The following CFAP54 variants were observed in gnomAD, a reference collection of about 807,000 sequenced individuals.
CFAP54 encodes the protein cilia and flagella associated protein 54.
A neutral mutation model predicts 370.4 loss-of-function variants in CFAP54; 290 were observed. The ratio of observed to expected loss-of-function variants is 0.78; its 90% CI spans 0.71 to 0.86. The LOEUF is 0.86. CFAP54 is among the 40% of genes least tolerant of loss of function. CFAP54 has a pLI of 0.00. For synonymous variants in CFAP54, 1,206 were observed against 1,236.5 expected, an observed-to-expected ratio of 0.98 and a Z score of 0.52; for missense variants, 3,399 against 3,528.7, an observed-to-expected ratio of 0.96 and a Z score of 0.93.
chr12:96,581,417 A>T (rs1156587559), intron 22 of CFAP54, among the ~76,000 whole-genome samples: 1 of 152,174 alleles, frequency 6.6e-6, no homozygotes, highest in Non-Finnish European at 1.5e-5. Context: ...TATCATCCAG[A>T]GTAGCAGAGT....
At chr12:96,756,074 G>T (rs1236574643) in intron 56 of CFAP54, among the ~76,000 whole-genome samples, 1 of 152,158 alleles carries the variant, frequency 6.6e-6, no homozygotes, top group East Asian at 1.9e-4. Flanking sequence ...TGGGAGGGCA[G>T]ATGTTTTCTA....
At chr12:96,517,541 A>G (rs1955250597) in intron 5 of CFAP54, among the ~76,000 whole-genome samples, 1 of 152,218 alleles carries the variant, frequency 6.6e-6, no homozygotes, top group South Asian at 2.1e-4. Context: ...AAATGCAAAA[A>G]TCTGAAATAG....
intron 13 of CFAP54, among the ~76,000 whole-genome samples, chr12:96,539,089 T>TTTTTG (rs1955542539): frequency 6.8e-6 from 1 of 147,690 alleles, no homozygotes; most frequent in African/African-American, 2.5e-5. Context: ...TTTTTGTTTT[T>TTTTTG]GAGATGGAGT....
At chr12:96,613,788 G>T (rs1246218609) in intron 26 of CFAP54, among the ~76,000 whole-genome samples, 5 of 152,090 alleles carry the variant, frequency 3.3e-5, no homozygotes, top group Non-Finnish European at 7.4e-5. Flanking sequence ...ATAAATTCCT[G>T]GACACATAGA....
At chr12:96,584,657 C>G (rs1311033889) in intron 22 of CFAP54, among the ~76,000 whole-genome samples, 1 of 149,018 alleles carries the variant, frequency 6.7e-6, no homozygotes, top group Non-Finnish European at 1.5e-5. Context: ...TTTTATCAAT[C>G]TCATTACAAT....
intron 50 of CFAP54, among the ~76,000 whole-genome samples, chr12:96,725,182 C>T (rs1957816207): frequency 6.6e-6 from 1 of 151,718 alleles, no homozygotes; most frequent in South Asian, 2.1e-4. Context: ...TCCATATGAA[C>T]TTTAAAGTAA....
intron 62 of CFAP54, among the ~76,000 whole-genome samples, chr12:96,789,743 C>T (rs1007833642): frequency 3.9e-5 from 6 of 152,152 alleles, no homozygotes; most frequent in Non-Finnish European, 5.9e-5. Flanking sequence ...TTGTTTCACC[C>T]TGTTTGCTCT....
intron 4 of CFAP54, among the ~76,000 whole-genome samples, chr12:96,509,004 C>A (rs1354649595): frequency 3.9e-5 from 6 of 152,134 alleles, no homozygotes; most frequent in African/African-American, 4.8e-5. Context: ...AACTACTCTT[C>A]CTGTTTTAAT....
chr12:96,805,509 G>A (rs1592773258), intron 63 of CFAP54, among the ~76,000 whole-genome samples: 1 of 148,746 alleles, frequency 6.7e-6, no homozygotes. Context: ...TCAGAGGAAT[G>A]AATATTAAAA....
intron 8 of CFAP54, among the ~76,000 whole-genome samples, chr12:96,525,219 T>C (rs893379003): frequency 6.6e-6 from 1 of 151,898 alleles, no homozygotes; most frequent in African/African-American, 2.4e-5. Flanking sequence ...CTTTATTTCT[T>C]TGAGCCAACT....
chr12:96,582,220 G>C (rs957481182), intron 22 of CFAP54, among the ~76,000 whole-genome samples: 2 of 152,144 alleles, frequency 1.3e-5, no homozygotes, highest in Non-Finnish European at 2.9e-5. Flanking sequence ...AAATAGTATT[G>C]TTTTTAGTTA....
At chr12:96,668,593 T>A (rs1452682190) in intron 39 of CFAP54, among the ~76,000 whole-genome samples, 1 of 152,192 alleles carries the variant, frequency 6.6e-6, no homozygotes, top group Admixed American at 6.5e-5. Context: ...GTTCTTCCCA[T>A]GACACATGGG....
In CFAP54 at chr12:96,748,868, C is replaced by G. The variant is rs929691375; in HGVS notation, c.7684+4722C>G. Among the ~76,000 whole-genome samples, 3 of 152,298 alleles carry G rather than the reference C, an allele frequency of 2.0e-5. No homozygotes were observed. The Middle Eastern group carries it at 0.01, about 518-fold the overall frequency. On this transcript the variant is annotated intron_variant, in intron 55 of 67. Coordinates refer to ENST00000524981, the MANE Select transcript of CFAP54 (RefSeq NM_001306084.2). Reference sequence around the variant, plus strand: ...CTGCCTAGAAATCAGTGAGCACTTTCAATCTGCAGATAAGTCTCTTTCCAG... The same window carrying G: ...CTGCCTAGAAATCAGTGAGCACTTTGAATCTGCAGATAAGTCTCTTTCCAG...
chr12:96,512,299 TTTTATATATATATATATATATATA>T lies in CFAP54; in HGVS notation c.740-685_740-662del, dbSNP rs1296354874. 2.8e-4 allele frequency among the ~76,000 whole-genome samples: 33 copies of T among 119,572 alleles called. 1 individual carries two copies. The highest frequency in any genetic ancestry group is 9.6e-4 in the African/African-American group (32 of 33,268). 78.4% of individuals were successfully genotyped at this position (119,572 alleles called of 152,430 possible). A position where few individuals can be genotyped will look rare whatever the true frequency, so the allele number is the denominator to read the frequency against. ...ATGATAAGGAAACCATGGGAACCAA[TTTTATATATATATATATATATATA>T]TATATATATATATATATATATATAT... On this transcript the variant is annotated intron_variant, in intron 4 of 67. Transcript: ENST00000524981.
In CFAP54 at chr12:96,787,551, T is replaced by C. The variant is rs188907524; in HGVS notation, c.8679+653T>C. 2.6e-5 allele frequency among the ~76,000 whole-genome samples: 4 copies of C among 152,310 alleles called. No individual in the cohort carries two copies. The East Asian group carries it at 7.7e-4, about 29-fold the overall frequency. On this transcript the variant is annotated intron_variant, in intron 62 of 67. Transcript: ENST00000524981. ...CAGTAGTTTGGATAAACTTCCAAAA[T>C]GAATGTGTTAAAAGACACTGAAAAA...
intron 8 of CFAP54, among the ~76,000 whole-genome samples, chr12:96,522,749 G>C (rs1955334689): frequency 6.6e-6 from 1 of 152,160 alleles, no homozygotes; most frequent in Admixed American, 6.5e-5. Flanking sequence ...CTCAGGGCCA[G>C]GCTGAAGAGC....
At chr12:96,561,303 A>G (rs1165947868) in intron 17 of CFAP54, among the ~76,000 whole-genome samples, 1 of 152,168 alleles carries the variant, frequency 6.6e-6, no homozygotes, top group Admixed American at 6.5e-5. Flanking sequence ...TCCCCTCCAC[A>G]AGTTCTCTCT....
chr12:96,547,473 A>C (rs1441714531), intron 14 of CFAP54, among the ~76,000 whole-genome samples: 5 of 152,210 alleles, frequency 3.3e-5, no homozygotes, highest in Non-Finnish European at 7.3e-5. Flanking sequence ...GGTGTAAGCC[A>C]CCGCACCTGG....
intron 26 of CFAP54, among the ~76,000 whole-genome samples, chr12:96,601,339 G>T (rs112310680): frequency 1.3e-5 from 2 of 152,186 alleles, no homozygotes; most frequent in African/African-American, 4.8e-5. Context: ...TTTTTGATGT[G>T]CTGCTGGATT....
Sources: allele counts gnomAD v4.1 joint callset (sites outside exome capture counted in the v4.1 genomes callset), GRCh38; gene constraint gnomAD v4.1.1; transcripts MANE v1.5; gene names NCBI Gene and HGNC (gene_info 2026-07-23, HGNC 2026-07-21).